The following POMK variants were observed in gnomAD, a reference collection of about 807,000 sequenced individuals.
POMK encodes Sugen kinase 196.
A neutral mutation model predicts 23.0 loss-of-function variants in POMK; 19 were observed. The observed-to-expected ratio is 0.83, with a 90% confidence interval of 0.58 to 1.21. The LOEUF is 1.21. Among genes scored for constraint, POMK ranks in the 50% most tolerant of loss-of-function variants. POMK has a pLI of 0.00. For synonymous variants in POMK, 173 were observed against 171.6 expected (o/e 1.01, Z -0.06); for missense variants, 410 against 431.3 (o/e 0.95, Z 0.44).
Position 43,103,808 on chromosome 8 carries a change from T to C in POMK, c.260T>C (p.Val87Ala). 6.2e-7 allele frequency: 1 copy of C among 1,614,198 alleles called. No homozygotes were observed. The highest frequency in any genetic ancestry group is 8.5e-7 in the Non-Finnish European group (1 of 1,180,028). Residue 87 changes from valine (V) to alanine (A), a missense_variant, in exon 4 of 5, where the codon GTT becomes GCT. Physicochemically the swap from Val to Ala is moderately conservative, Grantham distance 64. Transcript: ENST00000331373. The part of the protein sequence containing the change: ...LRTEVRQLKR[V>A]GEGAVKRVFL... Reference sequence around the variant, plus strand: ...ACAGAAGTGAGACAGCTGAAGCGTGTTGGGGAAGGAGCTGTAAAGAGAGTG... The same window carrying C: ...ACAGAAGTGAGACAGCTGAAGCGTGCTGGGGAAGGAGCTGTAAAGAGAGTG...
chr8:43,114,938 T>G (rs923196007), intron 4 of POMK, among the ~76,000 whole-genome samples: 3 of 152,198 alleles, frequency 2.0e-5, no homozygotes, highest in Non-Finnish European at 2.9e-5. Context: ...GTCAAATTTT[T>G]TTTTCTCATC....
intron 4 of POMK, among the ~76,000 whole-genome samples, chr8:43,120,396 G>C (rs888034145): frequency 2.0e-5 from 3 of 151,554 alleles, no homozygotes; most frequent in African/African-American, 7.3e-5. Flanking sequence ...ATTTTTAGTA[G>C]AGGTTTTAGG....
At chr8:43,103,400 C>A in intron 3 of POMK, 128 bp from the exon 4 acceptor site, 1 of 833,650 alleles carries the variant, frequency 1.2e-6, no homozygotes, top group Non-Finnish European at 1.9e-6. Context: ...TCGATACCTG[C>A]TTTAATCCCC....
At chr8:43,111,071 G>A (rs1473714238) in intron 4 of POMK, among the ~76,000 whole-genome samples, 2 of 152,168 alleles carry the variant, frequency 1.3e-5, no homozygotes, top group African/African-American at 2.4e-5. Flanking sequence ...GCCGGACAGT[G>A]GGTGCAGGAC....
intron 4 of POMK, among the ~76,000 whole-genome samples, chr8:43,121,068 G>A (rs72647293): frequency 6.6e-6 from 1 of 152,270 alleles, no homozygotes; most frequent in Non-Finnish European, 1.5e-5. Flanking sequence ...TTCAGTGTAT[G>A]CTTTTATAAA....
intron 4 of POMK, among the ~76,000 whole-genome samples, chr8:43,109,923 A>G (rs116399949): frequency 0.034 from 5,220 of 151,884 alleles, 297 homozygotes; most frequent in African/African-American, 0.12. Context: ...TTTTAAGAAA[A>G]CTCTGTTGTG....
chr8:43,113,702 C>G (rs904744029), intron 4 of POMK, among the ~76,000 whole-genome samples: 2 of 152,180 alleles, frequency 1.3e-5, no homozygotes, highest in Non-Finnish European at 1.5e-5. Context: ...TTTAGAGTTT[C>G]CAGTTTTTCT....
intron 4 of POMK, among the ~76,000 whole-genome samples, 159 bp from the exon 5 acceptor site, chr8:43,121,948 C>T (rs988712842): frequency 6.6e-6 from 1 of 152,246 alleles, no homozygotes; most frequent in African/African-American, 2.4e-5. Context: ...ATCGGTCTCT[C>T]TTCATAACTA....
chr8:43,093,766 C>T (rs1390019158), intron 1 of POMK, among the ~76,000 whole-genome samples: 2 of 152,240 alleles, frequency 1.3e-5, no homozygotes, highest in Non-Finnish European at 2.9e-5. Flanking sequence ...CCGCGTCCAC[C>T]CCTGCGCGGT....
chr8:43,107,687 T>G (rs1811571681), intron 4 of POMK, among the ~76,000 whole-genome samples: 1 of 147,080 alleles, frequency 6.8e-6, no homozygotes, highest in African/African-American at 2.5e-5. Context: ...AATACTTTTT[T>G]TTTTTTTGGT....
chr8:43,115,635 T>G (rs1193112452), intron 4 of POMK, among the ~76,000 whole-genome samples: 1 of 152,152 alleles, frequency 6.6e-6, no homozygotes, highest in Admixed American at 6.5e-5. Flanking sequence ...TTAAATTGTT[T>G]CACCAGCCTC....
intron 4 of POMK, among the ~76,000 whole-genome samples, chr8:43,113,379 A>ACCCTTTCT (rs1811723035): frequency 1.3e-5 from 2 of 152,036 alleles, no homozygotes; most frequent in Admixed American, 6.6e-5. Flanking sequence ...CATCACTGAT[A>ACCCTTTCT]CCCTTTCTTC....
At chr8:43,111,511 CAA>C (rs1367577654) in intron 4 of POMK, among the ~76,000 whole-genome samples, 3 of 152,176 alleles carry the variant, frequency 2.0e-5, no homozygotes, top group Non-Finnish European at 4.4e-5. Context: ...CACAGACAAA[CAA>C]AAGACAGTAA....
In POMK at chr8:43,103,599, G is replaced by A. The variant is rs140164489; in HGVS notation, c.51G>A (p.Val17=). 1.2e-6 allele frequency: 2 copies of A among 1,614,054 alleles called. No individual in the cohort carries two copies. The highest frequency in any genetic ancestry group is 4.5e-5 in the East Asian group (2 of 44,866). Residue 17 remains valine, a synonymous_variant, in exon 4 of 5, where the codon GTG becomes GTA. Coordinates refer to ENST00000331373, the MANE Select transcript of POMK (RefSeq NM_032237.5). ...NSRRGLAPRE[V]PPAVGLLLIM... ...GGAGAGGCCTCGCCCCCCGAGAGGT[G>A]CCGCCAGCTGTTGGGCTGCTGCTGA...
At chr8:43,105,065 C>T (rs1256816757) in intron 4 of POMK, among the ~76,000 whole-genome samples, 3 of 152,148 alleles carry the variant, frequency 2.0e-5, no homozygotes, top group East Asian at 1.9e-4. Flanking sequence ...TTTTAATTGG[C>T]ATGTAATAAT....
rs758695817 is a variant in POMK, at chr8:43,122,760, A to G, written c.936A>G (p.Ala312=). The change falls in exon 5 of 5, where the codon GCA becomes GCG. Residue 312 remains alanine, a synonymous_variant. Coordinates refer to ENST00000331373, the MANE Select transcript of POMK (RefSeq NM_032237.5). ...VRFHLFDIHK[A]CKSQTPSERP... ...TCCATTTGTTTGATATTCACAAAGC[A>G]TGCAAGAGCCAGACTCCCTCAGAAA... 2 of 1,614,216 alleles carry G rather than the reference A, an allele frequency of 1.2e-6. No individual in the cohort carries two copies. The highest frequency in any genetic ancestry group is 1.7e-6 in the Non-Finnish European group (2 of 1,180,036).
Position 43,122,403 on chromosome 8 carries a change from C to A in POMK, c.579C>A (p.His193Gln). The change falls in exon 5 of 5, where the codon CAC (histidine) becomes CAA (glutamine). Residue 193 changes from histidine to glutamine, a missense_variant. By Grantham distance (24) the His-to-Gln change is conservative. Transcript: ENST00000331373. ...MDYVSIINYL[H>Q]HSPVGTRVMC... ...ATGTCAGCATCATTAATTACCTGCA[C>A]CACAGCCCTGTGGGCACACGGGTCA... 6.2e-7 allele frequency: 1 copy of A among 1,614,216 alleles called. No homozygotes were observed. Among genetic ancestry groups the A allele is most frequent in the Non-Finnish European group, 8.5e-7 (1 of 1,180,042 alleles).
intron 4 of POMK, among the ~76,000 whole-genome samples, chr8:43,119,683 C>T (rs902100381): frequency 4.0e-5 from 6 of 151,874 alleles, no homozygotes; most frequent in East Asian, 1.9e-4. Flanking sequence ...CCTCTTGCCT[C>T]GGCTCCCAAA....
At chr8:43,113,458 C>A (rs1230157241) in intron 4 of POMK, among the ~76,000 whole-genome samples, 1 of 152,196 alleles carries the variant, frequency 6.6e-6, no homozygotes, top group Non-Finnish European at 1.5e-5. Context: ...GCTTTCAGCT[C>A]CATCAGCTCC....
Sources: allele counts gnomAD v4.1 joint callset (sites outside exome capture counted in the v4.1 genomes callset), GRCh38; gene constraint gnomAD v4.1.1; transcripts MANE v1.5; gene names NCBI Gene and HGNC (gene_info 2026-07-23, HGNC 2026-07-21).